USP36: variants seen among roughly 807,000 people sequenced by gnomAD.
The protein encoded by USP36 is ubiquitin carboxyl-terminal hydrolase 36.
Under a neutral mutation model 111.5 loss-of-function variants are expected in USP36, and 59 were observed. The observed-to-expected ratio is 0.53, with a 90% CI of 0.43 to 0.66. The LOEUF is 0.66. Among genes scored for constraint, USP36 ranks in the 30% least tolerant of loss-of-function variants. The pLI is 0.00. For synonymous variants in USP36, 628 were observed against 581.0 expected (o/e 1.08, Z -1.16); for missense variants, 1,488 against 1,468.0 (o/e 1.01, Z -0.22).
intron 4 of USP36, among the ~76,000 whole-genome samples, chr17:78,829,587 T>C (rs186258834): frequency 1.3e-5 from 2 of 152,310 alleles, no homozygotes; most frequent in East Asian, 3.9e-4. Flanking sequence ...GTCACAACTA[T>C]GCTCCTGTAT....
At chr17:78,814,380 A>G (rs2145256093) in intron 11 of USP36, 32 bp downstream of exon 11, 1 of 1,612,074 alleles carries the variant, frequency 6.2e-7, no homozygotes, top group East Asian at 2.2e-5. Context: ...AACCTGTCCC[A>G]GGAGGCAGCT....
At position 78,798,520 on chromosome 17, in the gene USP36, TTCTCTC is replaced by T; in HGVS notation, c.3266_3271del (p.Arg1089_Glu1090del). On this transcript the variant is annotated inframe_deletion, in exon 20 of 21. Coordinates refer to ENST00000449938, the MANE Select transcript of USP36 (RefSeq NM_001385174.1). This position sits in a 1 kb window ranked among gnomAD's most constrained non-coding sequence, Gnocchi z 5.1. ...CTGGAAGGCGTTGAAGTTTCTCCTCTTCTCTCTCTTAAATTTTTTAATTTTCTTTTC... is the reference window on the plus strand; with the variant it reads ...CTGGAAGGCGTTGAAGTTTCTCCTCTTCTTAAATTTTTTAATTTTCTTTTC... 6.2e-7 allele frequency: 1 copy of T among 1,613,974 alleles called. No individual in the cohort carries two copies. The highest frequency in any genetic ancestry group is 8.5e-7 in the Non-Finnish European group (1 of 1,180,028).
chr17:78,835,587 C>G, intron 3 of USP36, 86 bp from the exon 4 acceptor site: 1 of 1,286,484 alleles, frequency 7.8e-7, no homozygotes. Flanking sequence ...CTGAAGCATA[C>G]ACTTAGCATG....
rs2093919565 is a variant in USP36 at position 78,806,974 on chromosome 17, G to A, written c.2070C>T (p.Ala690=). Residue 690 remains alanine (A), a synonymous_variant, in exon 14 of 21, where the codon GCC becomes GCT. Coordinates refer to ENST00000449938, the MANE Select transcript of USP36 (RefSeq NM_001385174.1). ...ACACACCCACCTTCTTGGCAGAAAGGGCCAGTTTTTTGGCTGGTGGAGGAG... is the reference window on the plus strand; with the variant it reads ...ACACACCCACCTTCTTGGCAGAAAGAGCCAGTTTTTTGGCTGGTGGAGGAG... ...TMSPPPAKKL[A]LSAKKASTLW... is the part of the protein sequence containing the mutation. 1.2e-6 allele frequency: 2 copies of A among 1,614,112 alleles called. No individual in the cohort carries two copies. Among genetic ancestry groups the A allele is most frequent in the South Asian group, 1.1e-5 (1 of 91,084 alleles).
At chr17:78,811,123 T>TCTG (rs2094041408) in intron 13 of USP36, among the ~76,000 whole-genome samples, 1 of 118,108 alleles carries the variant, frequency 8.5e-6, no homozygotes, top group African/African-American at 3.5e-5. Context: ...AGAGCGAGAC[T>TCTG]CTGTCTCAAA....
At position 78,798,311 on chromosome 17, in the gene USP36, C is replaced by A; in HGVS notation, c.*20+89G>T. The stretch of plus-strand genomic sequence containing the variant: ...AGATACACAGCCCACATACATCATA[C>A]ACACACGCCACACCCCACCACACCC... On this transcript the variant is annotated intron_variant, in intron 20 of 20. Transcript: ENST00000449938. This position sits in a 1 kb window ranked among gnomAD's most constrained non-coding sequence, Gnocchi z 5.1. The A allele has an allele frequency of 1.3e-6, 2 of 1,520,134 alleles. No homozygotes were observed. Among genetic ancestry groups the A allele is most frequent in the Non-Finnish European group, 1.8e-6 (2 of 1,127,192 alleles). 94.2% of individuals were successfully genotyped at this position (1,520,134 alleles called of 1,614,324 possible).
chr17:78,821,979 T>A lies in USP36; in HGVS notation c.715A>T (p.Thr239Ser), dbSNP rs1200382041. The change falls in exon 7 of 21, where the codon ACC (threonine) becomes TCC (serine). Residue 239 changes from threonine to serine, a missense_variant. Around this residue, in one of 3 missense-constraint regions of USP36, gnomAD observed 196 missense variants for 264.4 expected, o/e 0.74. Coordinates refer to ENST00000449938, the MANE Select transcript of USP36 (RefSeq NM_001385174.1). ...CCTCCAAAAATTTGATGGACCAAGGTAGTAGCCTGCGTTTGACGATCCAAC... is the reference window on the plus strand; with the variant it reads ...CCTCCAAAAATTTGATGGACCAAGGAAGTAGCCTGCGTTTGACGATCCAAC... ...AKLDRQTQAT[T>S]LVHQIFGGYL... 2 of 1,614,082 alleles carry A rather than the reference T, an allele frequency of 1.2e-6. No homozygotes were observed. The highest frequency in any genetic ancestry group is 1.1e-5 in the South Asian group (1 of 91,076).
chr17:78,794,986 C>T (rs144214925), downstream of USP36, among the ~76,000 whole-genome samples: 420 of 141,402 alleles, frequency 3.0e-3, 2 homozygotes, highest in African/African-American at 9.7e-3. Flanking sequence ...CCAGCCTGGG[C>T]GACAGAGGGA....
chr17:78,834,711 G>A (rs947079514), intron 4 of USP36, among the ~76,000 whole-genome samples: 1 of 152,148 alleles, frequency 6.6e-6, no homozygotes, highest in African/African-American at 2.4e-5. Context: ...CCACAGGTGT[G>A]AGCCACCGTG....
chr17:78,801,928 C>T (rs2093753365), intron 17 of USP36, among the ~76,000 whole-genome samples: 1 of 152,216 alleles, frequency 6.6e-6, no homozygotes, highest in South Asian at 2.1e-4. Context: ...AAGCTTCAAC[C>T]CCATCACCCA....
chr17:78,814,596 G>A, intron 10 of USP36, 44 bp from the exon 11 acceptor site: 2 of 1,597,848 alleles, frequency 1.3e-6, no homozygotes, highest in East Asian at 4.5e-5. Flanking sequence ...TTCACTTTGA[G>A]AGTAAAGATC....
chr17:78,827,851 G>A (rs2067713970), intron 5 of USP36, among the ~76,000 whole-genome samples: 2 of 152,256 alleles, frequency 1.3e-5, no homozygotes, highest in Non-Finnish European at 2.9e-5. Context: ...TGAGGCTGCA[G>A]TGAGCTATGA....
intron 17 of USP36, among the ~76,000 whole-genome samples, chr17:78,801,964 T>A (rs1446183658): frequency 1.3e-5 from 2 of 151,440 alleles, no homozygotes; most frequent in Non-Finnish European, 3.0e-5. Flanking sequence ...GGGTGGGGGG[T>A]GAAGGTTGGT....
At position 78,806,262 on chromosome 17, in the gene USP36, C is replaced by T. The variant is rs34121152; in HGVS notation, c.2110G>A (p.Gly704Ser). ...GGGGGAGGTGGACGGAGGTCATTGC[C>T]GGTCGCCCTCCACAGGGTGCTGGCC... ...KKASTLWRAT[G>S]NDLRPPPPSP... Residue 704 changes from glycine (G) to serine (S), a missense_variant, in exon 15 of 21, where the codon GGC becomes AGC. By Grantham distance (56) the Gly-to-Ser change is moderately conservative. Transcript: ENST00000449938. The T allele has an allele frequency of 0.019, 29,958 of 1,613,676 alleles. 378 individuals are homozygous for T. The highest frequency in any genetic ancestry group is 0.022 in the Non-Finnish European group (25,642 of 1,179,938).
At chr17:78,793,139 A>T (rs2093597444), downstream of USP36, among the ~76,000 whole-genome samples, 2 of 152,048 alleles carry the variant, frequency 1.3e-5, no homozygotes, top group Admixed American at 6.6e-5. Context: ...GAGCATTGAG[A>T]ACCCTGAGGT....
At chr17:78,814,710 T>C (rs1051351350) in intron 10 of USP36, among the ~76,000 whole-genome samples, 158 bp from the exon 11 acceptor site, 1 of 152,082 alleles carries the variant, frequency 6.6e-6, no homozygotes, top group Non-Finnish European at 1.5e-5. Context: ...CCCAGCACTT[T>C]GGGAGGCTGA....
intron 16 of USP36, among the ~76,000 whole-genome samples, chr17:78,802,936 ATTTTTTC>A (rs527508431): frequency 2.1e-3 from 321 of 151,898 alleles, no homozygotes; most frequent in Middle Eastern, 0.01. Flanking sequence ...CAGAGGAGAT[ATTTTTTC>A]TTTTTTCTTT....
At chr17:78,837,495 G>A (rs1261743425) in intron 2 of USP36, among the ~76,000 whole-genome samples, 1 of 152,102 alleles carries the variant, frequency 6.6e-6, no homozygotes, top group Non-Finnish European at 1.5e-5. Context: ...TAATAGGCTT[G>A]GGAAGTGCTT....
In USP36 at chr17:78,806,142, G is replaced by C; in HGVS notation, c.2216+14C>G. ...AACCAGTTGGCACCCAGAAGATCCC[G>C]GCCCAAAGCTTACCTGGCTCTATGG... On this transcript the variant is annotated intron_variant, in intron 15 of 20. Transcript: ENST00000449938. The C allele has an allele frequency of 6.2e-7, 1 of 1,612,694 alleles. No individual in the cohort carries two copies. Among genetic ancestry groups the C allele is most frequent in the Non-Finnish European group, 8.5e-7 (1 of 1,179,740 alleles).
Sources: gnomAD v4.1 joint callset for allele counts (sites outside exome capture counted in the v4.1 genomes callset) on GRCh38, gnomAD v4.1.1 for gene constraint, gnomAD v4.1.1 regional missense constraint, Gnocchi (gnomAD v3.1) non-coding constraint, MANE v1.5 for transcripts, NCBI Gene and HGNC (gene_info 2026-07-23, HGNC 2026-07-21) for gene names.